Variants in SPOCK3 observed in about 807,000 individuals in gnomAD.
SPOCK3 encodes testican-3.
SPOCK3 carries 30 observed loss-of-function variants against 56.6 expected under a neutral mutation model. The ratio of observed to expected loss-of-function variants is 0.53; its 90% CI spans 0.40 to 0.72. The LOEUF is 0.72. Among genes scored for constraint, SPOCK3 ranks in the 30% least tolerant of loss-of-function variants. SPOCK3 has a pLI of 0.00. For missense variants in SPOCK3, 527 were observed against 530.0 expected, an observed-to-expected ratio of 0.99 and a Z score of 0.06; for synonymous variants, 196 against 183.3, an observed-to-expected ratio of 1.07 and a Z score of -0.56.
At chr4:167,031,655 T>C (rs1752285500) in intron 3 of SPOCK3, among the ~76,000 whole-genome samples, 1 of 151,942 alleles carries the variant, frequency 6.6e-6, no homozygotes, top group South Asian at 2.1e-4. Context: ...AGACCGGGCA[T>C]GAAGTAGAGT....
intron 3 of SPOCK3, among the ~76,000 whole-genome samples, chr4:167,006,926 G>T (rs533119985): frequency 6.6e-6 from 1 of 152,196 alleles, no homozygotes; most frequent in African/African-American, 2.4e-5. Context: ...GCATGGCCAC[G>T]TCCAAGGATT....
At position 167,119,946 on chromosome 4, in the gene SPOCK3, A is replaced by T. The variant is rs549591209; in HGVS notation, c.190-57409T>A. On this transcript the variant is annotated intron_variant, in intron 2 of 10. Transcript: ENST00000357545. The stretch of plus-strand genomic sequence containing the variant: ...AAAGAAAAGAATAAACCCCTTTCTG[A>T]TGAAAATAGCTACATTTAAAAATGG... 155 of 965,714 alleles carry T rather than the reference A, an allele frequency of 1.6e-4. No homozygotes were observed. The African/African-American group carries it at 2.4e-3, about 15-fold the overall frequency. 59.8% of individuals were successfully genotyped at this position (965,714 alleles called of 1,614,324 possible). A position where few individuals can be genotyped will look rare whatever the true frequency, so the allele number is the denominator to read the frequency against.
At chr4:166,997,941 T>C (rs1341131253) in intron 4 of SPOCK3, among the ~76,000 whole-genome samples, 1 of 152,140 alleles carries the variant, frequency 6.6e-6, no homozygotes. Flanking sequence ...ATTGATCAAT[T>C]AAGCCGTCTT....
chr4:166,971,855 C>T (rs1044756062), intron 4 of SPOCK3, among the ~76,000 whole-genome samples: 6 of 152,174 alleles, frequency 3.9e-5, no homozygotes, highest in African/African-American at 1.4e-4. Flanking sequence ...CAGATTACTA[C>T]TACTACTAAG....
intron 6 of SPOCK3, among the ~76,000 whole-genome samples, chr4:166,805,134 C>G (rs1036885671): frequency 6.6e-6 from 1 of 151,740 alleles, no homozygotes; most frequent in African/African-American, 2.4e-5. Context: ...TGATACTTCA[C>G]AAAAGGGAAA....
At chr4:167,122,877 A>G (rs1761977885) in intron 2 of SPOCK3, among the ~76,000 whole-genome samples, 1 of 152,092 alleles carries the variant, frequency 6.6e-6, no homozygotes, top group Non-Finnish European at 1.5e-5. Flanking sequence ...TTTACCAAAC[A>G]TCTTTATCTT....
intron 2 of SPOCK3, among the ~76,000 whole-genome samples, chr4:167,201,017 A>C (rs1733465530): frequency 1.3e-5 from 2 of 152,052 alleles, no homozygotes; most frequent in Admixed American, 6.6e-5. Flanking sequence ...ATCACACTTT[A>C]AAACAATTGA....
intron 3 of SPOCK3, among the ~76,000 whole-genome samples, chr4:167,049,648 T>TTATCAGATGAATGC (rs1754021794): frequency 6.6e-6 from 1 of 152,166 alleles, no homozygotes; most frequent in Admixed American, 6.5e-5. Flanking sequence ...AAGTGATATA[T>TTATCAGATGAATGC]TATCAGATGA....
intron 6 of SPOCK3, among the ~76,000 whole-genome samples, chr4:166,878,828 A>G (rs1733390865): frequency 6.6e-6 from 1 of 152,168 alleles, no homozygotes; most frequent in Admixed American, 6.5e-5. Context: ...TAGACTGGTT[A>G]CTTAACTTAT....
chr4:167,211,443 A>AT, intron 2 of SPOCK3, among the ~76,000 whole-genome samples: 1 of 152,276 alleles, frequency 6.6e-6, no homozygotes, highest in East Asian at 1.9e-4. Flanking sequence ...GGAAGGGGCC[A>AT]GGGGCGGAAT....
Position 167,103,286 on chromosome 4 carries a change from C to A in SPOCK3, c.190-40749G>T, listed in dbSNP as rs940318721. Among the ~76,000 whole-genome samples the A allele has an allele frequency of 2.6e-5, 4 of 152,110 alleles. No homozygotes were observed. The East Asian group carries it at 7.8e-4, about 30-fold the overall frequency. On this transcript the variant is annotated intron_variant, in intron 2 of 10. Transcript: ENST00000357545. ...GTTTGGCCACAGTGGGACAGAGCAC[C>A]AAGTGGGCCCTTGGGGTCTCAGATG...
chr4:167,032,568 G>A (rs1442701567), intron 3 of SPOCK3, among the ~76,000 whole-genome samples: 1 of 151,724 alleles, frequency 6.6e-6, no homozygotes, highest in African/African-American at 2.4e-5. Context: ...CTCTCAGCAG[G>A]TACTGTATGC....
intron 6 of SPOCK3, among the ~76,000 whole-genome samples, chr4:166,841,397 C>T (rs72697531): frequency 0.052 from 7,838 of 152,152 alleles, 275 homozygotes; most frequent in Non-Finnish European, 0.066. Flanking sequence ...TATAGAATTA[C>T]AAATTGTCAT....
At chr4:167,066,692 G>A (rs1756172367) in intron 2 of SPOCK3, among the ~76,000 whole-genome samples, 2 of 151,606 alleles carry the variant, frequency 1.3e-5, no homozygotes, top group South Asian at 4.1e-4. Flanking sequence ...TAACTATGCT[G>A]TCATATGTCC....
rs759948471 is a variant in SPOCK3 at position 166,735,037 on chromosome 4, T to A, written c.1186A>T (p.Thr396Ser). The change falls in exon 11 of 11, where the codon ACT becomes TCT. Residue 396 changes from threonine (T) to serine (S), a missense_variant. Coordinates refer to ENST00000357545, the MANE Select transcript of SPOCK3 (RefSeq NM_001040159.2). ...DFASGDFHEW[T>S]DDEDDEDDIM... Reference sequence around the variant, plus strand: ...TCGTCTTCATCATCCTCATCATCAGTCCATTCATGAAAATCGCCACTAGCA... The same window carrying A: ...TCGTCTTCATCATCCTCATCATCAGACCATTCATGAAAATCGCCACTAGCA... 14 of 1,595,392 alleles carry A rather than the reference T, an allele frequency of 8.8e-6. No individual in the cohort carries two copies. Among genetic ancestry groups the A allele is most frequent in the Non-Finnish European group, 1.2e-5 (14 of 1,164,550 alleles).
intron 8 of SPOCK3, chr4:166,754,105 A>C: frequency 3.1e-6 from 3 of 972,030 alleles, no homozygotes; most frequent in Non-Finnish European, 3.7e-6. Flanking sequence ...CTCATTTAAT[A>C]AGATCACAAA....
At chr4:167,174,310 C>T (rs998270441) in intron 2 of SPOCK3, among the ~76,000 whole-genome samples, 3 of 151,076 alleles carry the variant, frequency 2.0e-5, no homozygotes, top group African/African-American at 4.9e-5. Context: ...AAAATATATA[C>T]GATTTAAAAA....
At chr4:166,793,814 G>C (rs1343359092) in intron 6 of SPOCK3, among the ~76,000 whole-genome samples, 1 of 152,140 alleles carries the variant, frequency 6.6e-6, no homozygotes, top group Admixed American at 6.5e-5. Flanking sequence ...ATATTTCTAA[G>C]AGAAATCAGG....
At chr4:166,780,354 A>C (rs1740025015) in intron 7 of SPOCK3, among the ~76,000 whole-genome samples, 1 of 152,168 alleles carries the variant, frequency 6.6e-6, no homozygotes. Flanking sequence ...AACCATAAAA[A>C]AAAGAAGAAT....
Sources: allele counts gnomAD v4.1 joint callset (sites outside exome capture counted in the v4.1 genomes callset), GRCh38; gene constraint gnomAD v4.1.1; transcripts MANE v1.5; gene names NCBI Gene and HGNC (gene_info 2026-07-23, HGNC 2026-07-21).